The following GALNT17 variants were observed in gnomAD, a reference collection of about 807,000 sequenced individuals.
GALNT17 encodes UDP-GalNAc:polypeptide N-acetylgalactosaminyltransferase-like 3.
GALNT17 carries 29 observed loss-of-function variants against 63.7 expected under a neutral mutation model. The observed-to-expected ratio is 0.46, with a 90% CI of 0.34 to 0.62. The LOEUF is 0.62. Ranked by LOEUF, GALNT17 falls within the 20% of genes least tolerant of loss-of-function variation. GALNT17 has a pLI of 0.01. For missense variants in GALNT17, 603 were observed against 799.6 expected (o/e 0.75, Z 2.97); for synonymous variants, 305 against 318.3 (o/e 0.96, Z 0.45).
intron 5 of GALNT17, among the ~76,000 whole-genome samples, chr7:71,505,441 A>T (rs1336295294): frequency 1.3e-5 from 2 of 152,288 alleles, no homozygotes; most frequent in East Asian, 3.9e-4. Flanking sequence ...TCTACAAAAA[A>T]ATATAAACAT....
chr7:71,310,803 G>T (rs79810004), intron 1 of GALNT17, among the ~76,000 whole-genome samples: 2,153 of 152,290 alleles, frequency 0.014, 26 homozygotes, highest in Middle Eastern at 0.027. Context: ...TAGAGAAGTG[G>T]CTCTGTCCTT....
intron 6 of GALNT17, among the ~76,000 whole-genome samples, chr7:71,639,888 T>G (rs140619998): frequency 1.8e-4 from 28 of 152,276 alleles, no homozygotes; most frequent in Non-Finnish European, 1.3e-4. Flanking sequence ...GATGGTTGAT[T>G]GCGGGAAGAT....
intron 1 of GALNT17, among the ~76,000 whole-genome samples, chr7:71,307,463 G>A (rs529692049): frequency 2.0e-5 from 3 of 151,842 alleles, no homozygotes; most frequent in African/African-American, 7.2e-5. Context: ...CCATGAGAGA[G>A]GAAACTCACA....
chr7:71,421,222 T>TG, intron 5 of GALNT17, 117 bp downstream of exon 5: 2 of 1,070,470 alleles, frequency 1.9e-6, no homozygotes, highest in Non-Finnish European at 2.6e-6. Flanking sequence ...TGCACACAGC[T>TG]CTCCAGGAGC....
chr7:71,418,490 T>C (rs2035992226), intron 4 of GALNT17, among the ~76,000 whole-genome samples: 1 of 152,206 alleles, frequency 6.6e-6, no homozygotes, highest in African/African-American at 2.4e-5. Context: ...ATTTCTCCTC[T>C]GTGTTCTGAG....
intron 1 of GALNT17, among the ~76,000 whole-genome samples, chr7:71,194,890 G>A (rs978615848): frequency 6.6e-6 from 1 of 152,140 alleles, no homozygotes; most frequent in African/African-American, 2.4e-5. Context: ...TAAGGAAATG[G>A]GGGGACTGCC....
chr7:71,592,549 C>CAAATAAA (rs1562703277), intron 6 of GALNT17, among the ~76,000 whole-genome samples: 3 of 41,012 alleles, frequency 7.3e-5, no homozygotes, highest in Admixed American at 2.9e-4. Flanking sequence ...AATAAAATAG[C>CAAATAAA]ATAGCATAGC....
At chr7:71,298,807 A>G (rs12536668) in intron 1 of GALNT17, among the ~76,000 whole-genome samples, 52,676 of 151,644 alleles carry the variant, frequency 0.35, 9,330 homozygotes, top group East Asian at 0.5. Flanking sequence ...TTCATTTTGG[A>G]TGTGAGGAGA....
intron 5 of GALNT17, among the ~76,000 whole-genome samples, chr7:71,531,100 C>T (rs1391485294): frequency 6.6e-6 from 1 of 151,844 alleles, no homozygotes; most frequent in East Asian, 1.9e-4. Flanking sequence ...ATTTTTAAAC[C>T]ATTTTATTGT....
At chr7:71,414,651 G>A (rs879888253) in intron 3 of GALNT17, among the ~76,000 whole-genome samples, 1 of 152,194 alleles carries the variant, frequency 6.6e-6, no homozygotes, top group Non-Finnish European at 1.5e-5. Flanking sequence ...CTGACATCCT[G>A]TTCCTGGGAA....
intron 1 of GALNT17, among the ~76,000 whole-genome samples, chr7:71,258,500 G>T (rs1436948475): frequency 6.6e-6 from 1 of 152,074 alleles, no homozygotes; most frequent in East Asian, 1.9e-4. Context: ...GGACTCTGAG[G>T]ATCTAAGAGT....
At chr7:71,181,455 C>G (rs2116314204) in intron 1 of GALNT17, among the ~76,000 whole-genome samples, 1 of 152,232 alleles carries the variant, frequency 6.6e-6, no homozygotes, top group East Asian at 1.9e-4. Flanking sequence ...TTCACTGATC[C>G]TGATACATAG....
At chr7:71,348,087 C>A (rs1792126464) in intron 2 of GALNT17, among the ~76,000 whole-genome samples, 1 of 151,994 alleles carries the variant, frequency 6.6e-6, no homozygotes, top group Non-Finnish European at 1.5e-5. Flanking sequence ...ATGGTGAAAA[C>A]CCATCTCTAC....
Position 71,677,317 on chromosome 7 carries a change from G to A in GALNT17, c.1500+11G>A, listed in dbSNP as rs762523229. ...GGCTGGGGACCACAGGTAGGAGCTC[G>A]TCTCTGACCAGGAAGGAAGTAATAT... On this transcript the variant is annotated intron_variant, in intron 9 of 10. Coordinates refer to ENST00000333538, the MANE Select transcript of GALNT17 (RefSeq NM_022479.3). 67 of 1,611,956 alleles carry A rather than the reference G, an allele frequency of 4.2e-5. No homozygotes were observed. Among genetic ancestry groups the A allele is most frequent in the Admixed American group, 1.7e-4 (10 of 59,792 alleles).
intron 6 of GALNT17, among the ~76,000 whole-genome samples, chr7:71,643,577 G>T (rs1043840926): frequency 1.3e-5 from 2 of 152,224 alleles, no homozygotes; most frequent in African/African-American, 4.8e-5. Context: ...GAGCCAGAGA[G>T]CAGAGAAACA....
intron 5 of GALNT17, among the ~76,000 whole-genome samples, chr7:71,423,863 AG>A (rs965017784): frequency 2.0e-5 from 3 of 152,138 alleles, no homozygotes; most frequent in African/African-American, 7.2e-5. Context: ...TCGAGGCTGT[AG>A]TGGGCTGTGA....
At chr7:71,348,647 G>T (rs1486160666) in intron 2 of GALNT17, among the ~76,000 whole-genome samples, 1 of 152,156 alleles carries the variant, frequency 6.6e-6, no homozygotes, top group Non-Finnish European at 1.5e-5. Flanking sequence ...TGGAATTCGC[G>T]ATTTATTAGT....
intron 3 of GALNT17, among the ~76,000 whole-genome samples, chr7:71,391,659 A>G (rs138191973): frequency 6.6e-5 from 10 of 151,722 alleles, no homozygotes; most frequent in Non-Finnish European, 2.9e-5. Flanking sequence ...ATTTATATAT[A>G]TATTTTTTGT....
chr7:71,277,878 T>C (rs1232540987), intron 1 of GALNT17, among the ~76,000 whole-genome samples: 3 of 152,238 alleles, frequency 2.0e-5, no homozygotes, highest in Non-Finnish European at 4.4e-5. Context: ...AAGAAAAACA[T>C]TTCACTTACA....
Sources: gnomAD v4.1 joint callset for allele counts (sites outside exome capture counted in the v4.1 genomes callset) on GRCh38, gnomAD v4.1.1 for gene constraint, MANE v1.5 for transcripts, NCBI Gene and HGNC (gene_info 2026-07-23, HGNC 2026-07-21) for gene names.